Variants in WDR76 observed in about 807,000 individuals in gnomAD.
WDR76 encodes the protein WD repeat-containing protein 76.
WDR76 carries 52 observed loss-of-function variants against 70.2 expected under a neutral mutation model. The observed-to-expected ratio is 0.74, with a 90% CI of 0.59 to 0.93. The LOEUF (loss-of-function observed/expected upper bound fraction) is 0.93, where lower values mean the gene tolerates loss of function less well. Among genes scored for constraint, WDR76 ranks in the 40% least tolerant of loss-of-function variants. WDR76 has a pLI of 0.00. For missense variants in WDR76, 756 were observed against 760.2 expected (o/e 0.99, Z 0.07); for synonymous variants, 292 against 271.1 (o/e 1.08, Z -0.76).
intron 10 of WDR76, among the ~76,000 whole-genome samples, chr15:43,857,848 TTTCTG>T (rs1257192549): frequency 6.7e-6 from 1 of 149,916 alleles, no homozygotes; most frequent in Non-Finnish European, 1.5e-5. Flanking sequence ...AAAAAAAGTC[TTTCTG>T]TACACACTGG....
intron 8 of WDR76, among the ~76,000 whole-genome samples, chr15:43,849,573 T>C (rs1261993532): frequency 1.3e-5 from 2 of 152,134 alleles, no homozygotes; most frequent in East Asian, 3.8e-4. Flanking sequence ...GAGTCTCGCT[T>C]TGTCGCCCAG....
chr15:43,857,079 AACTTACC>A lies in WDR76; in HGVS notation c.1327_1333del (p.Leu443ValfsTer7). 6.2e-7 allele frequency: 1 copy of A among 1,614,126 alleles called. No individual in the cohort carries two copies. Among genetic ancestry groups the A allele is most frequent in the African/African-American group, 1.3e-5 (1 of 75,046 alleles). Reference sequence around the variant, plus strand: ...CGGACACCTGGAACTTCTTATGAGAAACTTACCAGTTCTTCTATGGGAAAAATAAGAA... The same window carrying A: ...CGGACACCTGGAACTTCTTATGAGAAAGTTCTTCTATGGGAAAAATAAGAA... On this transcript the variant is annotated frameshift_variant, in exon 10 of 13. Coordinates refer to ENST00000263795, the MANE Select transcript of WDR76 (RefSeq NM_024908.4). LOFTEE classifies it high-confidence loss of function.
chr15:43,827,752 A>G (rs2087534596), intron 1 of WDR76, among the ~76,000 whole-genome samples: 1 of 152,054 alleles, frequency 6.6e-6, no homozygotes, highest in African/African-American at 2.4e-5. Context: ...TCATTATGTT[A>G]GCCAGGATGG....
rs546157029 is a variant in WDR76, at chr15:43,836,560, A to G, written c.608+344A>G. ...TTTCTGGCTATCTTTTTGCGTCTCA[A>G]TTTGTTTTTGCTTTCTTAGTCCTAG... On this transcript the variant is annotated intron_variant, in intron 4 of 12. Coordinates refer to ENST00000263795, the MANE Select transcript of WDR76 (RefSeq NM_024908.4). Among the ~76,000 whole-genome samples the G allele has an allele frequency of 3.9e-5, 6 of 152,234 alleles. No individual in the cohort carries two copies. The South Asian group carries it at 1.0e-3, about 26-fold the overall frequency.
chr15:43,845,323 A>G (rs991078061), intron 8 of WDR76, among the ~76,000 whole-genome samples: 2 of 150,218 alleles, frequency 1.3e-5, no homozygotes, highest in Non-Finnish European at 3.0e-5. Flanking sequence ...CCCAAAATTC[A>G]TATGTTGAAA....
intron 5 of WDR76, among the ~76,000 whole-genome samples, chr15:43,840,166 A>T (rs1225301746): frequency 6.6e-6 from 1 of 151,970 alleles, no homozygotes; most frequent in African/African-American, 2.4e-5. Context: ...GCCCATTTGT[A>T]CGCTTTAATG....
In WDR76 at chr15:43,858,730, C is replaced by A; in HGVS notation, c.1469C>A (p.Ser490Tyr). ...TCCAGGAGAAGTCAGCCTTTGATTTCTTTGACTGAACATACAAAGAGCATT... is the reference window on the plus strand; with the variant it reads ...TCCAGGAGAAGTCAGCCTTTGATTTATTTGACTGAACATACAAAGAGCATT... ...LNSRRSQPLI[S>Y]LTEHTKSIAS... is the part of the protein sequence containing the mutation. The change falls in exon 11 of 13, where the codon TCT becomes TAT. Residue 490 changes from serine to tyrosine, a missense_variant. Ser to Tyr is a moderately radical substitution (Grantham distance 144, BLOSUM62 -2). Coordinates refer to ENST00000263795, the MANE Select transcript of WDR76 (RefSeq NM_024908.4). 6.2e-7 allele frequency: 1 copy of A among 1,614,168 alleles called. No homozygotes were observed. Among genetic ancestry groups the A allele is most frequent in the Non-Finnish European group, 8.5e-7 (1 of 1,180,026 alleles).
intron 12 of WDR76, among the ~76,000 whole-genome samples, chr15:43,862,057 C>T (rs1227464131): frequency 6.6e-6 from 1 of 151,606 alleles, no homozygotes; most frequent in Admixed American, 6.6e-5. Context: ...AGGCTGGTCT[C>T]GAACTCCTGA....
At chr15:43,854,681 G>T (rs2087907210) in intron 9 of WDR76, among the ~76,000 whole-genome samples, 1 of 152,128 alleles carries the variant, frequency 6.6e-6, no homozygotes, top group Admixed American at 6.5e-5. Flanking sequence ...GGGCGCAGTG[G>T]CTCACGCCTG....
At chr15:43,840,024 A>AT (rs987780078) in intron 5 of WDR76, among the ~76,000 whole-genome samples, 2 of 151,646 alleles carry the variant, frequency 1.3e-5, no homozygotes, top group Admixed American at 6.6e-5. Context: ...TACCTGGCTG[A>AT]TTTTTTTTAT....
At chr15:43,835,942 C>A (rs2087650114) in intron 3 of WDR76, among the ~76,000 whole-genome samples, 1 of 151,692 alleles carries the variant, frequency 6.6e-6, no homozygotes, top group South Asian at 2.1e-4. Context: ...CAGTTGTGAT[C>A]CACCATGCCT....
rs746848370 is a variant in WDR76 at position 43,866,414 on chromosome 15, A to C, written c.*22A>C. 1 of 1,610,872 alleles carries C rather than the reference A, an allele frequency of 6.2e-7. No homozygotes were observed. The highest frequency in any genetic ancestry group is 8.5e-7 in the Non-Finnish European group (1 of 1,177,336). ...CTGAGTTTTTGGTTTAGGAACATCA[A>C]TTTGTTCAAATTGACCACTGTCTAA... On this transcript the variant is annotated 3_prime_UTR_variant, in exon 13 of 13. Transcript: ENST00000263795.
intron 4 of WDR76, among the ~76,000 whole-genome samples, chr15:43,839,293 C>A (rs1179630666): frequency 6.6e-6 from 1 of 152,030 alleles, no homozygotes; most frequent in East Asian, 1.9e-4. Flanking sequence ...ATGTACTGGA[C>A]TTTGTTTTTG....
chr15:43,827,193 G>C, intron 1 of WDR76, 101 bp downstream of exon 1: 1 of 1,471,882 alleles, frequency 6.8e-7, no homozygotes, highest in Non-Finnish European at 9.4e-7. Flanking sequence ...CTGGCACCGG[G>C]GGTAGGCGGG....
chr15:43,848,038 A>T (rs1175617084), intron 8 of WDR76, among the ~76,000 whole-genome samples: 2 of 151,840 alleles, frequency 1.3e-5, no homozygotes, highest in African/African-American at 4.8e-5. Context: ...AGACCTGCCT[A>T]GGTGACATAG....
Position 43,827,108 on chromosome 15 carries a change from G to C in WDR76, c.60+16G>C. 6.3e-7 allele frequency: 1 copy of C among 1,597,410 alleles called. No homozygotes were observed. The highest frequency in any genetic ancestry group is 8.5e-7 in the Non-Finnish European group (1 of 1,175,038). On this transcript the variant is annotated intron_variant, in intron 1 of 12. Coordinates refer to ENST00000263795, the MANE Select transcript of WDR76 (RefSeq NM_024908.4). ...CCAGATGAAGGTGAGAAACGGACTG[G>C]TGCTTCCAAGGTGTGCTCCTGCCTC... is the stretch of plus-strand genomic sequence containing the variant.
chr15:43,830,403 A>G (rs780283902), intron 2 of WDR76, among the ~76,000 whole-genome samples: 2 of 151,958 alleles, frequency 1.3e-5, no homozygotes, highest in Non-Finnish European at 2.9e-5. Flanking sequence ...TCTCTACCAA[A>G]AATACAAAAT....
rs2141718840 is a variant in WDR76 at position 43,828,053 on chromosome 15, A to G, written c.149A>G (p.Tyr50Cys). Residue 50 changes from tyrosine (Y) to cysteine (C), a missense_variant, in exon 2 of 13, where the codon TAT (tyrosine) becomes TGT (cysteine). Coordinates refer to ENST00000263795, the MANE Select transcript of WDR76 (RefSeq NM_024908.4). ...TTVLIKTAKV[Y>C]LAPFSLSNYQ... ...GTTTTAATAAAAACAGCTAAGGTCT[A>G]TCTTGCCCCCTTTTCACTCAGTAAT... 2 of 1,614,220 alleles carry G rather than the reference A, an allele frequency of 1.2e-6. No homozygotes were observed. Among genetic ancestry groups the G allele is most frequent in the Admixed American group, 1.7e-5 (1 of 60,024 alleles).
chr15:43,847,371 G>T (rs561113764), intron 8 of WDR76, among the ~76,000 whole-genome samples: 6 of 150,578 alleles, frequency 4.0e-5, no homozygotes, highest in African/African-American at 1.5e-4. Flanking sequence ...GGTGATTCTC[G>T]TGCCTCAGCC....
Sources: gnomAD v4.1 joint callset for allele counts (sites outside exome capture counted in the v4.1 genomes callset) on GRCh38, gnomAD v4.1.1 for gene constraint, MANE v1.5 for transcripts, NCBI Gene and HGNC (gene_info 2026-07-23, HGNC 2026-07-21) for gene names.